AGBL4: variants seen among roughly 807,000 people sequenced by gnomAD.
AGBL4 encodes AGBL carboxypeptidase 4.
A neutral mutation model predicts 66.4 loss-of-function variants in AGBL4; 58 were observed. The observed-to-expected ratio is 0.87, with a 90% CI of 0.71 to 1.09. The LOEUF (loss-of-function observed/expected upper bound fraction) is 1.09, where lower values mean the gene tolerates loss of function less well. Ranked by LOEUF, AGBL4 falls within the 50% of genes least tolerant of loss-of-function variation. AGBL4 has a pLI of 0.00. For missense variants in AGBL4, 579 were observed against 631.0 expected, an observed-to-expected ratio of 0.92 and a Z score of 0.88; for synonymous variants, 234 against 222.9, an observed-to-expected ratio of 1.05 and a Z score of -0.44.
At chr1:48,994,394 T>C (rs1008180535) in intron 5 of AGBL4, among the ~76,000 whole-genome samples, 2 of 152,226 alleles carry the variant, frequency 1.3e-5, no homozygotes, top group Non-Finnish European at 2.9e-5. Context: ...TATATGTATC[T>C]GTTATAACAC....
intron 9 of AGBL4, among the ~76,000 whole-genome samples, chr1:48,597,696 A>AGGAGGGGAGGGGAGGAGAGAGGAGG (rs1645014636): frequency 9.5e-6 from 1 of 105,074 alleles, no homozygotes; most frequent in Non-Finnish European, 1.8e-5. Flanking sequence ...GGGAGAGGAG[A>AGGAGGGGAGGGGAGGAGAGAGGAGG]GGAGGGGAGG....
intron 1 of AGBL4, among the ~76,000 whole-genome samples, chr1:49,967,735 G>T (rs1328644801): frequency 6.6e-6 from 1 of 151,990 alleles, no homozygotes; most frequent in African/African-American, 2.4e-5. Flanking sequence ...CAAGCTTAAG[G>T]CCTTAATATG....
chr1:49,406,059 A>G (rs1259810479), intron 3 of AGBL4, among the ~76,000 whole-genome samples: 1 of 152,228 alleles, frequency 6.6e-6, no homozygotes, highest in Non-Finnish European at 1.5e-5. Flanking sequence ...TTAACATAGC[A>G]GCAATGTATT....
intron 3 of AGBL4, among the ~76,000 whole-genome samples, chr1:49,598,862 G>A (rs563885812): frequency 1.2e-4 from 19 of 152,272 alleles, no homozygotes; most frequent in South Asian, 4.1e-4. Flanking sequence ...AGATAATCAT[G>A]TGGTTTTTGT....
At chr1:49,880,601 T>C (rs1647204594) in intron 1 of AGBL4, among the ~76,000 whole-genome samples, 1 of 152,056 alleles carries the variant, frequency 6.6e-6, no homozygotes, top group African/African-American at 2.4e-5. Context: ...CAGAGGTTAC[T>C]GCTGTCTTTT....
At chr1:49,935,271 A>C (rs1183980156) in intron 1 of AGBL4, among the ~76,000 whole-genome samples, 1 of 152,236 alleles carries the variant, frequency 6.6e-6, no homozygotes, top group East Asian at 1.9e-4. Context: ...GGCGGCAGCA[A>C]GGCTGGGGGA....
intron 5 of AGBL4, among the ~76,000 whole-genome samples, chr1:49,009,205 G>A (rs1455673356): frequency 1.3e-5 from 2 of 151,926 alleles, no homozygotes; most frequent in East Asian, 1.9e-4. Flanking sequence ...TATCACCACT[G>A]ATCCCACAGA....
chr1:49,880,494 A>C (rs1300989187), intron 1 of AGBL4, among the ~76,000 whole-genome samples: 2 of 152,110 alleles, frequency 1.3e-5, no homozygotes, highest in Non-Finnish European at 2.9e-5. Context: ...TCAGGGACCC[A>C]CTTGAGGAGG....
intron 6 of AGBL4, among the ~76,000 whole-genome samples, chr1:48,780,041 A>C (rs1246417104): frequency 6.6e-6 from 1 of 151,672 alleles, no homozygotes; most frequent in Non-Finnish European, 1.5e-5. Flanking sequence ...TATTATTATT[A>C]TTACACTTTA....
intron 3 of AGBL4, among the ~76,000 whole-genome samples, chr1:49,426,700 G>A (rs1354940930): frequency 6.6e-6 from 1 of 152,076 alleles, no homozygotes; most frequent in Non-Finnish European, 1.5e-5. Flanking sequence ...CTATGAAGTA[G>A]GTACTACTAC....
At chr1:49,336,409 G>A (rs540820477) in intron 3 of AGBL4, among the ~76,000 whole-genome samples, 102 of 152,302 alleles carry the variant, frequency 6.7e-4, no homozygotes, top group Non-Finnish European at 1.1e-3. Flanking sequence ...CTAAGTCTAC[G>A]ATTCAAATGT....
At chr1:48,920,579 C>A (rs1465072223) in intron 5 of AGBL4, among the ~76,000 whole-genome samples, 1 of 152,136 alleles carries the variant, frequency 6.6e-6, no homozygotes, top group African/African-American at 2.4e-5. Context: ...TTAAAAACAA[C>A]CCTATGAGGT....
intron 1 of AGBL4, among the ~76,000 whole-genome samples, chr1:49,956,846 T>C (rs1275241672): frequency 1.4e-4 from 21 of 151,950 alleles, no homozygotes; most frequent in Admixed American, 1.4e-3. Flanking sequence ...AAGACATCTC[T>C]GAAAGAGAAC....
chr1:49,037,912 C>T (rs1664792606), intron 5 of AGBL4, among the ~76,000 whole-genome samples: 1 of 152,070 alleles, frequency 6.6e-6, no homozygotes, highest in Non-Finnish European at 1.5e-5. Flanking sequence ...ATAAAGTTCA[C>T]ATAGACTTGG....
chr1:48,546,058 G>A (rs1487250573), intron 11 of AGBL4, among the ~76,000 whole-genome samples: 1 of 152,162 alleles, frequency 6.6e-6, no homozygotes, highest in Non-Finnish European at 1.5e-5. Flanking sequence ...TATTACCTGG[G>A]AGGCTGTTGC....
At chr1:49,609,852 T>C (rs141313636) in intron 3 of AGBL4, among the ~76,000 whole-genome samples, 2 of 152,182 alleles carry the variant, frequency 1.3e-5, no homozygotes, top group Non-Finnish European at 2.9e-5. Context: ...ATGAGAGAAA[T>C]AATATATTCT....
chr1:48,761,563 A>G (rs1251928180), intron 6 of AGBL4: 23 of 1,319,342 alleles, frequency 1.7e-5, no homozygotes, highest in African/African-American at 8.9e-5. Flanking sequence ...CTAGAAAATA[A>G]TTGAGGCCAG....
At chr1:49,043,954 A>T (rs1644011972) in intron 5 of AGBL4, among the ~76,000 whole-genome samples, 1 of 152,160 alleles carries the variant, frequency 6.6e-6, no homozygotes, top group African/African-American at 2.4e-5. Context: ...AGCAACACAT[A>T]TCAGAACCCC....
intron 5 of AGBL4, among the ~76,000 whole-genome samples, chr1:48,991,371 G>C (rs1660594662): frequency 6.7e-6 from 1 of 150,124 alleles, no homozygotes; most frequent in African/African-American, 2.5e-5. Context: ...GAGTTCCATT[G>C]TGTTTGTTTT....
Sources: allele counts gnomAD v4.1 joint callset (sites outside exome capture counted in the v4.1 genomes callset), GRCh38; gene constraint gnomAD v4.1.1; transcripts MANE v1.5; gene names NCBI Gene and HGNC (gene_info 2026-07-23, HGNC 2026-07-21).